PHACTR3: variants seen among roughly 807,000 people sequenced by gnomAD.
PHACTR3 encodes protein phosphatase 1, regulatory subunit 123.
Under a neutral mutation model 66.8 loss-of-function variants are expected in PHACTR3, and 16 were observed. That is an observed-to-expected ratio of 0.24 (90% confidence interval 0.16 to 0.36). The LOEUF (loss-of-function observed/expected upper bound fraction) is 0.36, where lower values mean the gene tolerates loss of function less well. Among genes scored for constraint, PHACTR3 ranks in the 10% least tolerant of loss-of-function variants. The probability of loss-of-function intolerance (pLI) is 1.00; values close to 1 mark genes in which losing one functional copy is unlikely to be tolerated. For missense variants in PHACTR3, 647 were observed against 719.9 expected (o/e 0.90, Z 1.16); for synonymous variants, 323 against 292.1 (o/e 1.11, Z -1.08).
rs568409930 is a variant in PHACTR3, at chr20:59,583,895, C to G, written c.109+6278C>G. Among the ~76,000 whole-genome samples the G allele has an allele frequency of 3.3e-5, 5 of 152,312 alleles. No homozygotes were observed. In the South Asian group the frequency reaches 1.0e-3, roughly 32 times the overall value. ...GATTACAGTATTTTCAGGAAAGCTA[C>G]TTAGGTGCACCAGTCACCAGGGACG... On this transcript the variant is annotated intron_variant, in intron 1 of 12. Coordinates refer to the PHACTR3 transcript ENST00000359926.
chr20:59,771,709 G>A (rs758616910), intron 5 of PHACTR3, among the ~76,000 whole-genome samples: 21 of 152,146 alleles, frequency 1.4e-4, no homozygotes, highest in Non-Finnish European at 2.2e-4. Context: ...ACCAGCTGAC[G>A]GCAGGGCCTG....
chr20:59,743,279 G>C lies in PHACTR3; in HGVS notation c.280+11G>C, dbSNP rs1271718805. 1 of 1,613,520 alleles carries C rather than the reference G, an allele frequency of 6.2e-7. No individual in the cohort carries two copies. On this transcript the variant is annotated intron_variant, in intron 2 of 12. Transcript: ENST00000371015. ...AGCAGACAACGTCAGGTAAAGGCCT[G>C]GTGACAGGCGCGGGCAGGCTGTGGC... is the stretch of plus-strand genomic sequence containing the variant.
At chr20:59,639,919 C>T (rs117743084) in intron 1 of PHACTR3, among the ~76,000 whole-genome samples, 4,116 of 152,294 alleles carry the variant, frequency 0.027, 78 homozygotes, top group Middle Eastern at 0.075. Flanking sequence ...GAAAAAAACT[C>T]GCAAACCTGG....
intron 1 of PHACTR3, among the ~76,000 whole-genome samples, chr20:59,733,445 A>AT (rs1259168317): frequency 1.3e-5 from 2 of 152,168 alleles, no homozygotes; most frequent in Non-Finnish European, 2.9e-5. Flanking sequence ...GCCACAGGCA[A>AT]TTGGATTTTC....
chr20:59,648,441 A>T (rs1265611703), intron 1 of PHACTR3, among the ~76,000 whole-genome samples: 1 of 152,218 alleles, frequency 6.6e-6, no homozygotes, highest in Admixed American at 6.5e-5. Context: ...AAGGTGCTGA[A>T]CCAGAAAAGG....
At chr20:59,654,932 A>G (rs1308062411) in intron 1 of PHACTR3, among the ~76,000 whole-genome samples, 1 of 151,946 alleles carries the variant, frequency 6.6e-6, no homozygotes, top group Non-Finnish European at 1.5e-5. Context: ...TCTTTGTTTT[A>G]TTGAGTACTT....
chr20:59,599,324 G>A (rs1338717064), intron 1 of PHACTR3, among the ~76,000 whole-genome samples: 3 of 152,204 alleles, frequency 2.0e-5, no homozygotes, highest in African/African-American at 4.8e-5. Context: ...CTGTGAAGCC[G>A]ACATTGCCAC....
intron 8 of PHACTR3, among the ~76,000 whole-genome samples, chr20:59,813,071 ATGTT>A (rs541790323): frequency 2.2e-4 from 33 of 152,300 alleles, no homozygotes; most frequent in Non-Finnish European, 4.4e-4. Flanking sequence ...TTTCCGGTGA[ATGTT>A]TGTGTTAATG....
chr20:59,759,533 G>A (rs2039924858), intron 4 of PHACTR3, among the ~76,000 whole-genome samples: 1 of 152,194 alleles, frequency 6.6e-6, no homozygotes, highest in African/African-American at 2.4e-5. Context: ...TGAAGGTTAA[G>A]AGCCTAGTCT....
intron 3 of PHACTR3, among the ~76,000 whole-genome samples, chr20:59,750,114 G>T (rs538693578): frequency 1.3e-5 from 2 of 152,104 alleles, no homozygotes; most frequent in Non-Finnish European, 2.9e-5. Flanking sequence ...CGCACATCCA[G>T]TGGGGCCATT....
At chr20:59,613,377 G>A (rs1049865303) in intron 1 of PHACTR3, among the ~76,000 whole-genome samples, 2 of 152,154 alleles carry the variant, frequency 1.3e-5, no homozygotes, top group Non-Finnish European at 2.9e-5. Flanking sequence ...TTCTAGGCAG[G>A]ACAAAGAGGG....
intron 1 of PHACTR3, among the ~76,000 whole-genome samples, chr20:59,727,483 C>T (rs897103348): frequency 2.6e-5 from 4 of 152,088 alleles, no homozygotes; most frequent in Admixed American, 1.3e-4. Flanking sequence ...TTGTCAGAGG[C>T]GCCGTTCTTG....
At chr20:59,578,544 G>C (rs766007757) in intron 1 of PHACTR3, among the ~76,000 whole-genome samples, 2 of 152,182 alleles carry the variant, frequency 1.3e-5, no homozygotes, top group East Asian at 3.9e-4. Flanking sequence ...TCAGTGCCTC[G>C]AAACGGGTTG....
chr20:59,620,449 C>T (rs1196453583), intron 1 of PHACTR3, among the ~76,000 whole-genome samples: 1 of 152,354 alleles, frequency 6.6e-6, no homozygotes, highest in East Asian at 1.9e-4. Context: ...GTCTCCTTAG[C>T]GTCCGCCAAT....
At chr20:59,755,069 G>T in intron 3 of PHACTR3, 113 bp from the exon 4 acceptor site, 1 of 1,067,108 alleles carries the variant, frequency 9.4e-7, no homozygotes, top group Middle Eastern at 2.3e-4. Flanking sequence ...GGGGAGAGGG[G>T]TGGGGGACCA....
intron 1 of PHACTR3, among the ~76,000 whole-genome samples, chr20:59,587,931 T>C (rs1600868694): frequency 6.6e-6 from 1 of 152,214 alleles, no homozygotes; most frequent in East Asian, 1.9e-4. Flanking sequence ...TCCCCTCTGC[T>C]TCCTGAGTGA....
chr20:59,712,251 A>G (rs1262584882), intron 1 of PHACTR3, among the ~76,000 whole-genome samples: 6 of 152,132 alleles, frequency 3.9e-5, no homozygotes, highest in African/African-American at 1.4e-4. Context: ...ACTTTTCCCC[A>G]AATATCTGAT....
intron 1 of PHACTR3, among the ~76,000 whole-genome samples, chr20:59,605,846 C>CGGGGGGGGGGGGGGG (rs200107140): frequency 1.3e-4 from 1 of 7,762 alleles, no homozygotes; most frequent in African/African-American, 9.2e-4. Flanking sequence ...CCTAATAAAG[C>CGGGGGGGGGGGGGGG]GGGGGGGGAG....
chr20:59,738,173 G>A lies in PHACTR3; in HGVS notation c.119-4934G>A, dbSNP rs2039021575. Among the ~76,000 whole-genome samples, 1 of 152,072 alleles carries A rather than the reference G, an allele frequency of 6.6e-6. No homozygotes were observed. Among genetic ancestry groups the A allele is most frequent in the Non-Finnish European group, 1.5e-5 (1 of 68,006 alleles). On this transcript the variant is annotated intron_variant, in intron 1 of 12. Transcript: ENST00000371015. This position sits in a 1 kb window ranked among gnomAD's most constrained non-coding sequence, Gnocchi z 4.4. ...CCCCCCAGCAAGGCCCTGGCAAAGGGGATGCAGGGAGTCAATGCTTCAACC... is the reference window on the plus strand; with the variant it reads ...CCCCCCAGCAAGGCCCTGGCAAAGGAGATGCAGGGAGTCAATGCTTCAACC...
Sources: gnomAD v4.1 joint callset for allele counts (sites outside exome capture counted in the v4.1 genomes callset) on GRCh38, gnomAD v4.1.1 for gene constraint, Gnocchi (gnomAD v3.1) non-coding constraint, MANE v1.5 for transcripts, NCBI Gene and HGNC (gene_info 2026-07-23, HGNC 2026-07-21) for gene names.